ZNF585B: variants seen among roughly 807,000 people sequenced by gnomAD.
ZNF585B encodes the protein zinc finger protein 585B.
Under a neutral mutation model 14.0 loss-of-function variants are expected in ZNF585B, and 7 were observed. The observed-to-expected ratio is 0.50, with a 90% confidence interval of 0.28 to 0.94. ZNF585B has a LOEUF of 0.94. Among genes scored for constraint, ZNF585B ranks in the 40% least tolerant of loss-of-function variants. ZNF585B has a pLI of 0.09. For missense variants in ZNF585B, 750 were observed against 924.4 expected (o/e 0.81, Z 2.45); for synonymous variants, 290 against 317.3 (o/e 0.91, Z 0.91).
At chr19:37,203,471 T>C (rs1417862955) in intron 2 of ZNF585B, among the ~76,000 whole-genome samples, 1 of 106,294 alleles carries the variant, frequency 9.4e-6, no homozygotes, top group African/African-American at 3.6e-5. Context: ...CATAGTAAGA[T>C]CTTGTCACAA....
At chr19:37,207,330 C>T (rs1972596905) in intron 1 of ZNF585B, 76 bp from the exon 2 acceptor site, 2 of 1,162,452 alleles carry the variant, frequency 1.7e-6, no homozygotes, top group South Asian at 2.0e-5. Flanking sequence ...GGTGCAGGTC[C>T]CTGCGCTAGA....
rs745797262 is a variant in ZNF585B, at chr19:37,185,408, C to T, written c.2129G>A (p.Arg710Gln). The T allele has an allele frequency of 7.4e-6, 12 of 1,613,358 alleles. No homozygotes were observed. The highest frequency in any genetic ancestry group is 1.7e-4 in the Middle Eastern group (1 of 6,058). ...TKKSQLQVHQ[R>Q]IHTGEKPYVC... ...GTAAGGCTTCTCTCCAGTGTGAATT[C>T]GCTGATGCACTTGGAGCTGTGATTT... The change falls in exon 5 of 5, where the codon CGA becomes CAA. Residue 710 changes from arginine to glutamine, a missense_variant. Physicochemically the swap from Arg to Gln is conservative, Grantham distance 43 (BLOSUM62 1). Coordinates refer to ENST00000532828, the MANE Select transcript of ZNF585B (RefSeq NM_152279.4).
chr19:37,207,704 A>T (rs1397770258), intron 1 of ZNF585B, among the ~76,000 whole-genome samples: 2 of 152,240 alleles, frequency 1.3e-5, no homozygotes, highest in East Asian at 3.8e-4. Context: ...AAATGAGATT[A>T]TGCTTTTAAA....
chr19:37,198,836 C>A, intron 2 of ZNF585B: 1 of 526,586 alleles, frequency 1.9e-6, no homozygotes, highest in Non-Finnish European at 3.2e-6. Context: ...ATAGAGGTCA[C>A]TGGATTCAGG....
intron 4 of ZNF585B, among the ~76,000 whole-genome samples, chr19:37,188,424 TGCAGTGAGCC>T (rs1002896241): frequency 6.6e-6 from 1 of 152,086 alleles, no homozygotes; most frequent in Non-Finnish European, 1.5e-5. Context: ...AGGCGGAGGT[TGCAGTGAGCC>T]GAGATCGTGC....
chr19:37,198,411 G>A (rs866457363), intron 2 of ZNF585B, among the ~76,000 whole-genome samples: 2 of 152,074 alleles, frequency 1.3e-5, no homozygotes, highest in Middle Eastern at 3.4e-3. Context: ...ACCTCAGGTG[G>A]TCCACCAGCC....
At chr19:37,192,299 GA>G (rs1340801197) in intron 2 of ZNF585B, among the ~76,000 whole-genome samples, 1 of 152,070 alleles carries the variant, frequency 6.6e-6, no homozygotes, top group Non-Finnish European at 1.5e-5. Context: ...CTAAAAAGAA[GA>G]AAAAGTGCAT....
In ZNF585B at chr19:37,182,195, T is replaced by A. The variant is rs1466196024; in HGVS notation, c.*3032A>T. 1 of 152,184 alleles carries A rather than the reference T, an allele frequency of 6.6e-6. No individual in the cohort carries two copies. Among genetic ancestry groups the A allele is most frequent in the Non-Finnish European group, 1.5e-5 (1 of 68,038 alleles). 9.4% of individuals were successfully genotyped at this position (152,184 alleles called of 1,614,324 possible). Reference sequence around the variant, plus strand: ...AAATGGGCATACATATACATATATATGTCAGCACTAAAATATCACGTTACA... The same window carrying A: ...AAATGGGCATACATATACATATATAAGTCAGCACTAAAATATCACGTTACA... On this transcript the variant is annotated 3_prime_UTR_variant, in exon 5 of 5. Transcript: ENST00000532828.
intron 3 of ZNF585B, 111 bp from the exon 4 acceptor site, chr19:37,189,864 A>G (rs1205983562): frequency 1.3e-6 from 2 of 1,568,346 alleles, no homozygotes; most frequent in South Asian, 2.3e-5. Flanking sequence ...GTAACCAGAT[A>G]TCTCTGAGTA....
At chr19:37,189,824 T>C in intron 3 of ZNF585B, 71 bp from the exon 4 acceptor site, 1 of 1,601,992 alleles carries the variant, frequency 6.2e-7, no homozygotes, top group Non-Finnish European at 8.5e-7. Flanking sequence ...TACAGTCTTA[T>C]TGTTCAATGA....
At chr19:37,189,445 T>C (rs1972375562) in intron 4 of ZNF585B, 1 of 553,494 alleles carries the variant, frequency 1.8e-6, no homozygotes, top group Admixed American at 3.1e-5. Flanking sequence ...TTATCTTTAA[T>C]GAGGCTGACT....
chr19:37,185,976 G>C lies in ZNF585B; in HGVS notation c.1561C>G (p.Pro521Ala), dbSNP rs201071147. The C allele has an allele frequency of 1.2e-6, 2 of 1,613,790 alleles. No individual in the cohort carries two copies. Among genetic ancestry groups the C allele is most frequent in the Non-Finnish European group, 1.7e-6 (2 of 1,179,980 alleles). The change falls in exon 5 of 5, where the codon CCT (proline) becomes GCT (alanine). Residue 521 changes from proline (P) to alanine (A), a missense_variant. By Grantham distance (27) the Pro-to-Ala change is conservative (BLOSUM62 -1). Transcript: ENST00000532828. ...THQRIHTGEKPYECNTCGKAF... is the reference protein window; with the variant it reads ...THQRIHTGEKAYECNTCGKAF... ...TTTCCACAAGTATTGCATTCATAAG[G>C]CTTCTCCCCAGTATGGATTCTCTGA...
chr19:37,204,327 T>C (rs890370963), intron 2 of ZNF585B, among the ~76,000 whole-genome samples: 1 of 152,210 alleles, frequency 6.6e-6, no homozygotes, highest in African/African-American at 2.4e-5. Context: ...CCTCGTACTA[T>C]CAATTAAGCC....
intron 2 of ZNF585B, among the ~76,000 whole-genome samples, chr19:37,205,988 G>A (rs1015139349): frequency 6.6e-6 from 1 of 152,112 alleles, no homozygotes; most frequent in Non-Finnish European, 1.5e-5. Context: ...GCTGGGGCAG[G>A]AGAATTGCTT....
At chr19:37,187,982 C>T (rs1158362373) in intron 4 of ZNF585B, among the ~76,000 whole-genome samples, 3 of 152,102 alleles carry the variant, frequency 2.0e-5, no homozygotes, top group African/African-American at 7.2e-5. Context: ...AATTTTACAA[C>T]ATGCACGAAT....
chr19:37,187,411 A>ATGTT lies in ZNF585B; in HGVS notation c.293-171_293-168dup, dbSNP rs201195614. On this transcript the variant is annotated intron_variant, in intron 4 of 4. Coordinates refer to ENST00000532828, the MANE Select transcript of ZNF585B (RefSeq NM_152279.4). The stretch of plus-strand genomic sequence containing the variant: ...GATAGGGTTTTTAGGGGGATGTAAA[A>ATGTT]TGTTTGGGTTCACATGAATTATCCT... Among the ~76,000 whole-genome samples the ATGTT allele has an allele frequency of 7.7e-3, 1,177 of 152,256 alleles. 22 individuals carry two copies. Among genetic ancestry groups the ATGTT allele is most frequent in the African/African-American group, 0.027 (1,131 of 41,552 alleles).
In ZNF585B at chr19:37,207,273, C is replaced by T. The variant is rs978590836; in HGVS notation, c.-143-19G>A. On this transcript the variant is annotated intron_variant, in intron 1 of 4. Transcript: ENST00000532828. ...CAAGAACCTAGAAAAACAATGTCCA[C>T]GTAGTCATTCAACATTCACTACATA... The T allele has an allele frequency of 4.9e-6, 7 of 1,432,530 alleles. No individual in the cohort carries two copies. Among genetic ancestry groups the T allele is most frequent in the East Asian group, 2.5e-5 (1 of 39,632 alleles). 88.7% of individuals were successfully genotyped at this position (1,432,530 alleles called of 1,614,324 possible). A position where few individuals can be genotyped will look rare whatever the true frequency, so the allele number is the denominator to read the frequency against.
chr19:37,194,739 A>G (rs1449136572), intron 2 of ZNF585B, among the ~76,000 whole-genome samples: 2 of 152,226 alleles, frequency 1.3e-5, no homozygotes. Flanking sequence ...TATTTAATTG[A>G]TATTTATAGA....
intron 2 of ZNF585B, among the ~76,000 whole-genome samples, chr19:37,203,853 C>G (rs1249196755): frequency 6.6e-6 from 1 of 152,180 alleles, no homozygotes; most frequent in African/African-American, 2.4e-5. Context: ...GTCTCAAACT[C>G]CCGACCTCAG....
Sources: gnomAD v4.1 joint callset for allele counts (sites outside exome capture counted in the v4.1 genomes callset) on GRCh38, gnomAD v4.1.1 for gene constraint, MANE v1.5 for transcripts, NCBI Gene and HGNC (gene_info 2026-07-23, HGNC 2026-07-21) for gene names.